HSPA8: variants seen among roughly 807,000 people sequenced by gnomAD.
HSPA8 encodes the protein heat shock protein family A (Hsp70) member 8.
A neutral mutation model predicts 52.8 loss-of-function variants in HSPA8; 2 were observed. The ratio of observed to expected loss-of-function variants is 0.04; its 90% CI spans 0.02 to 0.12. HSPA8 has a LOEUF of 0.12. HSPA8 is among the 10% of genes least tolerant of loss of function. The pLI is 1.00. For synonymous variants in HSPA8, 436 were observed against 274.0 expected (o/e 1.59, Z -5.84); for missense variants, 349 against 800.5 (o/e 0.44, Z 6.81).
chr11:123,058,535 G>GTGTAAA, intron 7 of HSPA8, 51 bp from the exon 8 acceptor site: 1 of 1,583,848 alleles, frequency 6.3e-7, no homozygotes. Flanking sequence ...CTGTGTATGT[G>GTGTAAA]TAACTCTAGT....
At chr11:123,059,017 T>G (rs1865408910) in intron 6 of HSPA8, 42 bp downstream of exon 6, 1 of 1,550,514 alleles carries the variant, frequency 6.4e-7, no homozygotes, top group South Asian at 1.1e-5. Context: ...CTTCCCTTTA[T>G]CTGTTATCAG....
At chr11:123,058,553 AGCTAGACGCCCTTAG>A in intron 7 of HSPA8, 64 bp downstream of exon 7, 1 of 1,577,414 alleles carries the variant, frequency 6.3e-7, no homozygotes, top group South Asian at 1.1e-5. Context: ...AGTTTCTCTT[AGCTAGACGCCCTTAG>A]GCACCAGTAA....
Position 123,059,807 on chromosome 11 carries a change from G to C in HSPA8, c.786C>G (p.Arg262=), listed in dbSNP as rs1450048784. The part of the protein sequence containing the change: ...DISENKRAVR[R]LRTACERAKR... ...TAGCACGTTCACAAGCAGTACGGAG[G>C]CGTCTTACAGCTCTCTTGTTCTCAC... is the stretch of plus-strand genomic sequence containing the variant. The change falls in exon 5 of 9, where the codon CGC becomes CGG. Residue 262 remains arginine, a synonymous_variant. Coordinates refer to ENST00000534624, the MANE Select transcript of HSPA8 (RefSeq NM_006597.6). The C allele has an allele frequency of 1.2e-5, 19 of 1,613,762 alleles. No homozygotes were observed. Among genetic ancestry groups the C allele is most frequent in the Non-Finnish European group, 1.4e-5 (17 of 1,179,818 alleles).
rs1342524449 is a variant in HSPA8 at position 123,060,357 on chromosome 11, C to T, written c.412-89G>A. On this transcript the variant is annotated intron_variant, in intron 3 of 8. Transcript: ENST00000534624. ...AAATGGATTAATGCTGGTGAAAGAA[C>T]AGCTGGAGCACCCCCCCCACCAAAA... is the stretch of plus-strand genomic sequence containing the variant. The T allele has an allele frequency of 3.9e-6, 5 of 1,269,696 alleles. No homozygotes were observed. In the Admixed American group the frequency reaches 9.5e-5, roughly 24 times the overall value. 78.7% of individuals were successfully genotyped at this position (1,269,696 alleles called of 1,614,324 possible). A position where few individuals can be genotyped will look rare whatever the true frequency, so the allele number is the denominator to read the frequency against.
intron 2 of HSPA8, 100 bp from the exon 3 acceptor site, chr11:123,060,898 G>A (rs893068518): frequency 1.3e-5 from 14 of 1,085,124 alleles, no homozygotes; most frequent in African/African-American, 1.2e-4. Flanking sequence ...ATAGGTAGGT[G>A]AATTCAACTA....
chr11:123,059,759 G>C lies in HSPA8; in HGVS notation c.834C>G (p.Thr278=). Residue 278 remains threonine (T), a synonymous_variant, in exon 5 of 9, where the codon ACC becomes ACG. Coordinates refer to ENST00000534624, the MANE Select transcript of HSPA8 (RefSeq NM_006597.6). ...GAGAATCGATCTCAATACTGGCCTG[G>C]GTGCTGGAAGAGAGGGTACGCTTAG... ...ERAKRTLSSS[T]QASIEIDSLY... is the part of the protein sequence containing the mutation. The C allele has an allele frequency of 6.2e-7, 1 of 1,613,846 alleles. No individual in the cohort carries two copies. Among genetic ancestry groups the C allele is most frequent in the Admixed American group, 1.7e-5 (1 of 59,986 alleles).
At position 123,057,804 on chromosome 11, in the gene HSPA8, C is replaced by A. The variant is rs1403445047; in HGVS notation, c.1871G>T (p.Gly624Val). The A allele has an allele frequency of 6.2e-7, 1 of 1,613,858 alleles. No homozygotes were observed. ...GGGAGGAGCTCCACCACCAGGAAAT[C>A]CCCCAGGCATTCCTCCTGGCATGCC... ...AGGMPGGMPG[G>V]FPGGGAPPSG... The change falls in exon 9 of 9, where the codon GGA becomes GTA. Residue 624 changes from glycine (G) to valine (V), a missense_variant. Gly to Val is a moderately radical substitution (Grantham distance 109, BLOSUM62 -3). Coordinates refer to ENST00000534624, the MANE Select transcript of HSPA8 (RefSeq NM_006597.6).
Position 123,058,620 on chromosome 11 carries a change from G to GT in HSPA8, c.1522+11dup, listed in dbSNP as rs1865392009. On this transcript the variant is annotated intron_variant, in intron 7 of 8. Coordinates refer to ENST00000534624, the MANE Select transcript of HSPA8 (RefSeq NM_006597.6). ...TTATCCCTGTCAAGACCAGATGACAGTGCCTCCTTACCCTTGTCATTAGTG... is the reference window on the plus strand; with the variant it reads ...TTATCCCTGTCAAGACCAGATGACAGTTGCCTCCTTACCCTTGTCATTAGTG... The GT allele has an allele frequency of 1.9e-6, 3 of 1,606,822 alleles. No individual in the cohort carries two copies. Among genetic ancestry groups the GT allele is most frequent in the East Asian group, 2.2e-5 (1 of 44,850 alleles).
chr11:123,062,425 CCG>C (rs1356934901), upstream of HSPA8: 3 of 152,382 alleles, frequency 2.0e-5, no homozygotes, highest in African/African-American at 7.2e-5. Flanking sequence ...CGCAGCGAGT[CCG>C]CGCGCGGGAG....
chr11:123,058,371 C>A lies in HSPA8; in HGVS notation c.1636G>T (p.Ala546Ser), dbSNP rs761149194. 9 of 1,613,538 alleles carry A rather than the reference C, an allele frequency of 5.6e-6. No homozygotes were observed. The highest frequency in any genetic ancestry group is 2.2e-5 in the South Asian group (2 of 91,068). Residue 546 changes from alanine to serine, a missense_variant, in exon 8 of 9, where the codon GCC becomes TCC. Ala to Ser is a moderately conservative substitution (Grantham distance 99). Transcript: ENST00000534624. ...TCAACAGTTGCTTTCATGTTGAAGGCATAGGACTCAAGTGAATTCTTGGAT... is the reference window on the plus strand; with the variant it reads ...TCAACAGTTGCTTTCATGTTGAAGGAATAGGACTCAAGTGAATTCTTGGAT... Reference protein sequence around the residue: ...VSSKNSLESYAFNMKATVEDE... With the variant: ...VSSKNSLESYSFNMKATVEDE...
chr11:123,057,587 C>CAT lies in HSPA8; in HGVS notation c.*145_*146dup, dbSNP rs1865342444. 2.2e-5 allele frequency: 13 copies of CAT among 588,314 alleles called. No homozygotes were observed. In the South Asian group the frequency reaches 2.8e-4, roughly 13 times the overall value. 36.4% of individuals were successfully genotyped at this position (588,314 alleles called of 1,614,324 possible). On this transcript the variant is annotated 3_prime_UTR_variant, in exon 9 of 9. Coordinates refer to ENST00000534624, the MANE Select transcript of HSPA8 (RefSeq NM_006597.6). ...TGCAATGTTATTTCCTTCCCCTGTG[C>CAT]ATATGTTCCATATTCAAGTATTGAG...
rs1591437862 is a variant in HSPA8 at position 123,059,648 on chromosome 11, G to A, written c.945C>T (p.Asp315=). Residue 315 remains aspartate (D), a synonymous_variant, in exon 5 of 9, where the codon GAC becomes GAT. Transcript: ENST00000534624. ...CATCTCGAAGGGCTTTCTCTACTGG[G>A]TCCAGGGTGCCACGGAACAGGTCAG... The part of the protein sequence containing the change: ...LNADLFRGTL[D]PVEKALRDAK... 4 of 1,614,094 alleles carry A rather than the reference G, an allele frequency of 2.5e-6. No individual in the cohort carries two copies. Among genetic ancestry groups the A allele is most frequent in the Non-Finnish European group, 3.4e-6 (4 of 1,180,010 alleles).
chr11:123,061,843 TG>T, intron 1 of HSPA8: 1 of 163,174 alleles, frequency 6.1e-6, no homozygotes, highest in Non-Finnish European at 1.4e-5. Context: ...CAGCCTCCCC[TG>T]GGGCCACTGC....
Position 123,061,369 on chromosome 11 carries a change from C to A in HSPA8, c.-5-40G>T, listed in dbSNP as rs201378086. 2.1e-6 allele frequency: 3 copies of A among 1,457,662 alleles called. 1 individual carries two copies. Among genetic ancestry groups the A allele is most frequent in the Non-Finnish European group, 2.9e-6 (3 of 1,047,202 alleles). The allele number at this position is 1,457,662 out of a possible 1,614,324, so 90.3% of individuals were successfully genotyped here. A position where few individuals can be genotyped will look rare whatever the true frequency, so the allele number is the denominator to read the frequency against. On this transcript the variant is annotated intron_variant, in intron 1 of 8. Transcript: ENST00000534624. ...AATCTGGTTTAAAAATTCAATTAAT[C>A]AAAATATTTCCCTCATCCCTTAACA...
chr11:123,058,802 T>C lies in HSPA8; in HGVS notation c.1352A>G (p.Lys451Arg). Residue 451 changes from lysine (K) to arginine (R), a missense_variant, in exon 7 of 9, where the codon AAG (lysine) becomes AGG (arginine). Transcript: ENST00000534624. Reference sequence around the variant, plus strand: ...AAACTTGCCAAGCAGGTTGTTATCCTTTGTCATGGCACGCTCGCCTTCATA... The same window carrying C: ...AAACTTGCCAAGCAGGTTGTTATCCCTTGTCATGGCACGCTCGCCTTCATA... ...QVYEGERAMT[K>R]DNNLLGKFEL... is the part of the protein sequence containing the mutation. 1 of 1,614,182 alleles carries C rather than the reference T, an allele frequency of 6.2e-7. No individual in the cohort carries two copies. Among genetic ancestry groups the C allele is most frequent in the Non-Finnish European group, 8.5e-7 (1 of 1,180,036 alleles).
chr11:123,059,416 A>G, intron 5 of HSPA8, 57 bp downstream of exon 5: 3 of 1,459,432 alleles, frequency 2.1e-6, no homozygotes, highest in Non-Finnish European at 2.8e-6. Flanking sequence ...ATCACTCATC[A>G]CAGCGAGTCA....
chr11:123,060,486 A>C, intron 3 of HSPA8, 107 bp downstream of exon 3: 1 of 982,148 alleles, frequency 1.0e-6, no homozygotes, highest in Non-Finnish European at 1.6e-6. Context: ...CTTAACCCTG[A>C]GCTGAGCCCC....
chr11:123,060,078 TTAAAA>T (rs764390903), intron 4 of HSPA8, 33 bp downstream of exon 4: 1 of 1,614,116 alleles, frequency 6.2e-7, no homozygotes, highest in Non-Finnish European at 8.5e-7. Flanking sequence ...CAAATTAATC[TTAAAA>T]TAATCCGAAC....
In HSPA8 at chr11:123,057,780, G is replaced by A; in HGVS notation, c.1895C>T (p.Pro632Leu). Residue 632 changes from proline to leucine, a missense_variant, in exon 9 of 9, where the codon CCC (proline) becomes CTC (leucine). Transcript: ENST00000534624. ...PGGFPGGGAPPSGGASSGPTI... is the reference protein window; with the variant it reads ...PGGFPGGGAPLSGGASSGPTI... ...GGGCCCTGAGGAAGCACCACCAGAG[G>A]GAGGAGCTCCACCACCAGGAAATCC... is the stretch of plus-strand genomic sequence containing the variant. 6.2e-7 allele frequency: 1 copy of A among 1,613,700 alleles called. No homozygotes were observed. The highest frequency in any genetic ancestry group is 8.5e-7 in the Non-Finnish European group (1 of 1,179,790).
Sources: gnomAD v4.1 joint callset for allele counts on GRCh38, gnomAD v4.1.1 for gene constraint, MANE v1.5 for transcripts, NCBI Gene and HGNC (gene_info 2026-07-23, HGNC 2026-07-21) for gene names.